The following SMOC1 variants were observed in gnomAD, a reference collection of about 807,000 sequenced individuals.
SMOC1 encodes SPARC-related modular calcium-binding protein 1.
SMOC1 carries 22 observed loss-of-function variants against 56.3 expected under a neutral mutation model. That is an observed-to-expected ratio of 0.39 (90% CI 0.28 to 0.56). The LOEUF (loss-of-function observed/expected upper bound fraction) is 0.56. Among genes scored for constraint, SMOC1 ranks in the 20% least tolerant of loss-of-function variants. SMOC1 has a pLI of 0.61. For missense variants in SMOC1, 509 were observed against 565.4 expected, an observed-to-expected ratio of 0.90 and a Z score of 1.01; for synonymous variants, 193 against 215.0, an observed-to-expected ratio of 0.90 and a Z score of 0.89.
chr14:69,993,549 A>C (rs1884642093), intron 6 of SMOC1, among the ~76,000 whole-genome samples: 1 of 152,214 alleles, frequency 6.6e-6, no homozygotes, highest in Admixed American at 6.5e-5. Context: ...AAATCATGCC[A>C]CGGGTTAACA....
chr14:69,953,945 C>T (rs1365277416), intron 3 of SMOC1, among the ~76,000 whole-genome samples: 1 of 152,178 alleles, frequency 6.6e-6, no homozygotes, highest in African/African-American at 2.4e-5. Context: ...TGCTTTCTAT[C>T]CCCAGTCCTT....
intron 1 of SMOC1, among the ~76,000 whole-genome samples, chr14:69,916,064 A>G (rs1032688911): frequency 6.6e-6 from 1 of 152,104 alleles, no homozygotes; most frequent in African/African-American, 2.4e-5. Context: ...CAACATCTCT[A>G]TGTGGGCGTC....
chr14:69,883,463 T>C (rs1390777120), intron 1 of SMOC1, among the ~76,000 whole-genome samples: 3 of 152,236 alleles, frequency 2.0e-5, no homozygotes, highest in Admixed American at 6.5e-5. Flanking sequence ...AGGACTTCAT[T>C]CTTTTCTGTG....
intron 1 of SMOC1, chr14:69,885,736 G>A: frequency 1.4e-6 from 2 of 1,468,916 alleles, no homozygotes; most frequent in Non-Finnish European, 9.5e-7. Flanking sequence ...CTGCTCGAAG[G>A]ACAGGTGGTC....
At chr14:70,024,479 G>T (rs1362952679) in intron 11 of SMOC1, among the ~76,000 whole-genome samples, 1 of 152,098 alleles carries the variant, frequency 6.6e-6, no homozygotes, top group African/African-American at 2.4e-5. Flanking sequence ...ACCGTATATG[G>T]CCCACAAAGC....
At chr14:69,915,090 A>C (rs1431603967) in intron 1 of SMOC1, among the ~76,000 whole-genome samples, 1 of 151,394 alleles carries the variant, frequency 6.6e-6, no homozygotes, top group African/African-American at 2.4e-5. Context: ...CTGGTCTCCA[A>C]CTCCTGACCT....
chr14:69,892,271 T>C (rs1426329450), intron 1 of SMOC1, among the ~76,000 whole-genome samples: 1 of 152,262 alleles, frequency 6.6e-6, no homozygotes, highest in African/African-American at 2.4e-5. Flanking sequence ...CACCGATTAA[T>C]GTTTGCTGTA....
At chr14:69,921,125 C>T (rs142705173) in intron 1 of SMOC1, among the ~76,000 whole-genome samples, 51 of 152,260 alleles carry the variant, frequency 3.3e-4, no homozygotes, top group African/African-American at 1.2e-3. Flanking sequence ...ACAGACTTCC[C>T]GCTGCAGGGC....
chr14:69,956,771 A>T (rs1423199649), intron 3 of SMOC1, among the ~76,000 whole-genome samples: 1 of 151,960 alleles, frequency 6.6e-6, no homozygotes, highest in Non-Finnish European at 1.5e-5. Context: ...CAACTCACAC[A>T]CAGGAGTGGT....
intron 1 of SMOC1, among the ~76,000 whole-genome samples, chr14:69,891,561 C>T (rs1883962143): frequency 6.6e-6 from 1 of 152,078 alleles, no homozygotes; most frequent in African/African-American, 2.4e-5. Context: ...CCCTCCCTAC[C>T]CCCTGAACTG....
At chr14:70,012,983 C>A (rs1415586545) in intron 9 of SMOC1, among the ~76,000 whole-genome samples, 1 of 152,194 alleles carries the variant, frequency 6.6e-6, no homozygotes, top group Non-Finnish European at 1.5e-5. Flanking sequence ...GCTCCCACAG[C>A]CCCTAGTTCT....
intron 5 of SMOC1, among the ~76,000 whole-genome samples, chr14:69,979,882 A>G (rs1340004170): frequency 2.0e-5 from 3 of 152,166 alleles, no homozygotes; most frequent in Non-Finnish European, 4.4e-5. Context: ...CCCTCCTCCA[A>G]AGGGAGCTGA....
intron 7 of SMOC1, among the ~76,000 whole-genome samples, chr14:69,998,985 T>A (rs17107580): frequency 0.069 from 10,507 of 152,158 alleles, 891 homozygotes; most frequent in African/African-American, 0.21. Flanking sequence ...AGCGCTCCCT[T>A]CTCTACATCA....
intron 1 of SMOC1, among the ~76,000 whole-genome samples, chr14:69,925,380 T>C (rs1314983): frequency 0.18 from 26,690 of 151,882 alleles, 3,240 homozygotes; most frequent in East Asian, 0.54. Flanking sequence ...GGAACCATGA[T>C]TGTCCCTAGA....
At chr14:69,888,489 T>C (rs1883871599) in intron 1 of SMOC1, among the ~76,000 whole-genome samples, 1 of 152,182 alleles carries the variant, frequency 6.6e-6, no homozygotes, top group African/African-American at 2.4e-5. Context: ...GTAGCTCTCA[T>C]CTCAGTAGAG....
chr14:70,005,874 G>A (rs1413633074), intron 7 of SMOC1, among the ~76,000 whole-genome samples: 2 of 152,110 alleles, frequency 1.3e-5, no homozygotes, highest in Non-Finnish European at 2.9e-5. Context: ...AGATGGTCCT[G>A]GCCCATTCTC....
chr14:69,888,865 A>G (rs1432234677), intron 1 of SMOC1, among the ~76,000 whole-genome samples: 2 of 152,190 alleles, frequency 1.3e-5, no homozygotes, highest in African/African-American at 4.8e-5. Context: ...GTAGATAACA[A>G]ATAAAAGAGT....
At chr14:69,931,533 G>A (rs1421450072) in intron 1 of SMOC1, among the ~76,000 whole-genome samples, 1 of 152,248 alleles carries the variant, frequency 6.6e-6, no homozygotes, top group Non-Finnish European at 1.5e-5. Context: ...GCTGGGTCAA[G>A]CCTCTAATGA....
intron 5 of SMOC1, among the ~76,000 whole-genome samples, chr14:69,989,669 G>T (rs780354640): frequency 1.6e-4 from 24 of 152,196 alleles, no homozygotes; most frequent in Non-Finnish European, 3.2e-4. Flanking sequence ...ACATGTGAAG[G>T]GGGATTTGGA....
Sources: gnomAD v4.1 joint callset for allele counts (sites outside exome capture counted in the v4.1 genomes callset) on GRCh38, gnomAD v4.1.1 for gene constraint, MANE v1.5 for transcripts, NCBI Gene and HGNC (gene_info 2026-07-23, HGNC 2026-07-21) for gene names.